Variants in NREP observed in about 807,000 individuals in gnomAD.
The protein encoded by NREP is neuronal regeneration-related protein.
Under a neutral mutation model 8.6 loss-of-function variants are expected in NREP, and 5 were observed. That is an observed-to-expected ratio of 0.58 (90% confidence interval 0.30 to 1.22). NREP has a LOEUF of 1.22. NREP is among the 50% of genes most tolerant of loss of function. The pLI is 0.07. For missense variants in NREP, 86 were observed against 82.5 expected, an observed-to-expected ratio of 1.04 and a Z score of -0.17; for synonymous variants, 27 against 28.0, an observed-to-expected ratio of 0.96 and a Z score of 0.11.
At position 111,869,317 on chromosome 5, in the gene NREP, G is replaced by A. The variant is rs114124639; in HGVS notation, c.135+105957C>T. On this transcript the variant is annotated intron_variant, in intron 2 of 3. Transcript: ENST00000395634. ...AGAGTAATTTTTAAAATTTCCTTAC[G>A]TTCCATTTGTTGAAGTTCCATTTAA... Among the ~76,000 whole-genome samples the A allele has an allele frequency of 5.2e-3, 795 of 152,138 alleles. 7 individuals carry two copies. The highest frequency in any genetic ancestry group is 0.011 in the Admixed American group (169 of 15,268).
chr5:111,763,788 G>A (rs576465553), intron 2 of NREP, among the ~76,000 whole-genome samples: 39 of 152,344 alleles, frequency 2.6e-4, no homozygotes, highest in Non-Finnish European at 4.1e-4. Flanking sequence ...GTGTGTGCGC[G>A]CACGCGCATG....
intron 2 of NREP, among the ~76,000 whole-genome samples, chr5:111,802,104 T>C (rs940272747): frequency 6.6e-6 from 1 of 152,164 alleles, no homozygotes; most frequent in African/African-American, 2.4e-5. Context: ...AGGTTTCGGC[T>C]GAATACCTCT....
At chr5:111,870,910 G>T (rs1753773902) in intron 2 of NREP, among the ~76,000 whole-genome samples, 1 of 152,134 alleles carries the variant, frequency 6.6e-6, no homozygotes, top group African/African-American at 2.4e-5. Flanking sequence ...CTGACTTCTA[G>T]ACTCCAGAAC....
intron 2 of NREP, among the ~76,000 whole-genome samples, chr5:111,934,786 G>A (rs74822072): frequency 0.13 from 19,173 of 152,072 alleles, 1,614 homozygotes; most frequent in African/African-American, 0.24. Flanking sequence ...GCAGCCTGGC[G>A]GCAACAAGCC....
chr5:111,886,887 G>C (rs1022525618), intron 2 of NREP, among the ~76,000 whole-genome samples: 1 of 151,810 alleles, frequency 6.6e-6, no homozygotes, highest in Non-Finnish European at 1.5e-5. Context: ...ACGAGTTAAT[G>C]GGTGCAGCAC....
chr5:111,930,196 A>G (rs1280429263), intron 2 of NREP, among the ~76,000 whole-genome samples: 1 of 152,120 alleles, frequency 6.6e-6, no homozygotes, highest in Non-Finnish European at 1.5e-5. Flanking sequence ...GGATGGTAGA[A>G]GGGGAGAGGT....
chr5:111,750,729 A>G (rs186266231), intron 2 of NREP, among the ~76,000 whole-genome samples: 97 of 152,338 alleles, frequency 6.4e-4, no homozygotes, highest in Middle Eastern at 6.8e-3. Flanking sequence ...AGAAAGTTCC[A>G]ATACTGGGAG....
intron 2 of NREP, among the ~76,000 whole-genome samples, chr5:111,921,885 G>C (rs184294863): frequency 6.6e-6 from 1 of 152,060 alleles, no homozygotes; most frequent in Non-Finnish European, 1.5e-5. Context: ...GGGTTTATCA[G>C]GGGTTTCCAC....
intron 2 of NREP, among the ~76,000 whole-genome samples, chr5:111,747,223 A>G (rs1167206672): frequency 6.6e-6 from 1 of 152,200 alleles, no homozygotes; most frequent in African/African-American, 2.4e-5. Flanking sequence ...TTCCCTTGAT[A>G]GTCTGAAAGT....
intron 2 of NREP, among the ~76,000 whole-genome samples, chr5:111,880,355 G>T (rs1304629105): frequency 8.5e-5 from 13 of 152,156 alleles, no homozygotes; most frequent in Admixed American, 8.5e-4. Context: ...CAGACGAGGT[G>T]GCTTAAACAA....
chr5:111,787,492 G>C (rs192628068), intron 2 of NREP, among the ~76,000 whole-genome samples: 1 of 151,964 alleles, frequency 6.6e-6, no homozygotes, highest in Non-Finnish European at 1.5e-5. Context: ...AAGTACTGGA[G>C]AAAGTTCAGT....
intron 2 of NREP, among the ~76,000 whole-genome samples, chr5:111,742,546 CTAAGAA>C (rs1749748201): frequency 1.3e-5 from 2 of 152,036 alleles, no homozygotes; most frequent in South Asian, 4.2e-4. Context: ...AATTTCATTT[CTAAGAA>C]TAATAGCAAA....
intron 2 of NREP, among the ~76,000 whole-genome samples, chr5:111,814,461 TC>T (rs1226895282): frequency 6.6e-6 from 1 of 152,192 alleles, no homozygotes; most frequent in Non-Finnish European, 1.5e-5. Flanking sequence ...AAACAACGAT[TC>T]CCCTCCATTG....
chr5:111,925,984 C>G (rs1465470307), intron 2 of NREP, among the ~76,000 whole-genome samples: 3 of 152,156 alleles, frequency 2.0e-5, no homozygotes, highest in Non-Finnish European at 4.4e-5. Context: ...GCCTGCAGAG[C>G]TGCCTGCCTC....
At chr5:111,827,827 G>A (rs942516253) in intron 2 of NREP, among the ~76,000 whole-genome samples, 7 of 151,804 alleles carry the variant, frequency 4.6e-5, no homozygotes, top group South Asian at 4.2e-4. Flanking sequence ...TGGGCCACAC[G>A]GGATGACTCT....
At chr5:111,852,388 C>T (rs1004242307) in intron 2 of NREP, among the ~76,000 whole-genome samples, 1 of 152,178 alleles carries the variant, frequency 6.6e-6, no homozygotes, top group Non-Finnish European at 1.5e-5. Flanking sequence ...GTCCCCTTCA[C>T]ACTCTGACGA....
intron 2 of NREP, among the ~76,000 whole-genome samples, chr5:111,765,458 GT>G (rs1379601148): frequency 2.0e-5 from 3 of 152,158 alleles, no homozygotes; most frequent in Admixed American, 6.5e-5. Context: ...GGCATTCTCC[GT>G]GTACAGGCAC....
intron 3 of NREP, chr5:111,731,795 A>C (rs1429139527): frequency 6.6e-6 from 1 of 152,314 alleles, no homozygotes; most frequent in East Asian, 1.9e-4. Context: ...ACTCAATCTC[A>C]GTGTGACTAC....
At chr5:111,867,861 C>T (rs542957393) in intron 2 of NREP, among the ~76,000 whole-genome samples, 1 of 151,882 alleles carries the variant, frequency 6.6e-6, no homozygotes, top group East Asian at 1.9e-4. Context: ...ACCATTTTAA[C>T]CAGTTCAAAC....
Sources: allele counts gnomAD v4.1 joint callset (sites outside exome capture counted in the v4.1 genomes callset), GRCh38; gene constraint gnomAD v4.1.1; transcripts MANE v1.5; gene names NCBI Gene and HGNC (gene_info 2026-07-23, HGNC 2026-07-21).